NCOA2: variants seen among roughly 807,000 people sequenced by gnomAD.
NCOA2 encodes class E basic helix-loop-helix protein 75.
NCOA2 carries 21 observed loss-of-function variants against 145.1 expected under a neutral mutation model. That is an observed-to-expected ratio of 0.14 (90% CI 0.10 to 0.21). The LOEUF is 0.21. Ranked by LOEUF, NCOA2 falls within the 10% of genes least tolerant of loss-of-function variation. The pLI is 1.00. For missense variants in NCOA2, 1,472 were observed against 1,837.6 expected, an observed-to-expected ratio of 0.80 and a Z score of 3.64; for synonymous variants, 619 against 637.5, an observed-to-expected ratio of 0.97 and a Z score of 0.44.
intron 4 of NCOA2, among the ~76,000 whole-genome samples, chr8:70,195,634 A>G (rs766468644): frequency 6.6e-6 from 1 of 152,154 alleles, no homozygotes; most frequent in Non-Finnish European, 1.5e-5. Flanking sequence ...CTTATGTTCT[A>G]TATTTTATCT....
chr8:70,376,977 C>T (rs147453387), intron 1 of NCOA2, among the ~76,000 whole-genome samples: 2 of 152,260 alleles, frequency 1.3e-5, no homozygotes, highest in African/African-American at 4.8e-5. Flanking sequence ...AACACATGAT[C>T]ATCAATCTAA....
intron 2 of NCOA2, among the ~76,000 whole-genome samples, chr8:70,292,558 A>G (rs932898967): frequency 2.0e-5 from 3 of 151,992 alleles, no homozygotes; most frequent in African/African-American, 7.2e-5. Context: ...GGAAAAAAAA[A>G]AAAAAAAAGA....
chr8:70,137,572 G>T (rs575634941), intron 15 of NCOA2, among the ~76,000 whole-genome samples: 1 of 152,312 alleles, frequency 6.6e-6, no homozygotes, highest in Non-Finnish European at 1.5e-5. Context: ...ACCATTCACT[G>T]ATGTCATGAA....
chr8:70,343,577 C>T lies in NCOA2; in HGVS notation c.-76-46777G>A, dbSNP rs1202747171. Among the ~76,000 whole-genome samples the T allele has an allele frequency of 4.6e-5, 7 of 151,570 alleles. No homozygotes were observed. The South Asian group carries it at 1.0e-3, about 23-fold the overall frequency. On this transcript the variant is annotated intron_variant, in intron 1 of 22. Coordinates refer to ENST00000452400, the MANE Select transcript of NCOA2 (RefSeq NM_006540.4). ...AATCCCAGCACTTTGGGAGGGAGGCCGAGGCGGGCAGATCACTTGAGGTCA... is the reference window on the plus strand; with the variant it reads ...AATCCCAGCACTTTGGGAGGGAGGCTGAGGCGGGCAGATCACTTGAGGTCA...
intron 2 of NCOA2, among the ~76,000 whole-genome samples, chr8:70,218,677 C>T (rs1159149874): frequency 6.6e-6 from 1 of 152,150 alleles, no homozygotes. Flanking sequence ...TCACAATTCC[C>T]ATGGTTTCAA....
chr8:70,401,667 T>A (rs1586693759), intron 1 of NCOA2: 2 of 152,190 alleles, frequency 1.3e-5, no homozygotes, highest in South Asian at 4.1e-4. Flanking sequence ...CTACTACCAA[T>A]AATCAGTTGA....
At chr8:70,335,563 C>G (rs1807512152) in intron 1 of NCOA2, among the ~76,000 whole-genome samples, 2 of 152,082 alleles carry the variant, frequency 1.3e-5, no homozygotes, top group African/African-American at 4.8e-5. Flanking sequence ...CTTGTAAAAC[C>G]AAAATTCTAT....
At chr8:70,185,073 C>T (rs1280167926) in intron 4 of NCOA2, among the ~76,000 whole-genome samples, 1 of 152,202 alleles carries the variant, frequency 6.6e-6, no homozygotes, top group Non-Finnish European at 1.5e-5. Context: ...TTTCTCTCTA[C>T]AGACACAGGA....
chr8:70,409,296 T>G, the NCOA2 span, among the ~76,000 whole-genome samples: 1 of 152,190 alleles, frequency 6.6e-6, no homozygotes, highest in Non-Finnish European at 1.5e-5. Context: ...ACTGCCAGCT[T>G]CAATATTTAC....
Position 70,218,135 on chromosome 8 carries a change from C to T in NCOA2, c.-19-1371G>A, listed in dbSNP as rs3750199. Among the ~76,000 whole-genome samples, 4,308 of 151,766 alleles carry T rather than the reference C, an allele frequency of 0.028. 359 individuals carry two copies. In the East Asian group the frequency reaches 0.34, roughly 12 times the overall value. ...CTTCTTCCCTGTAATCTGGGCTGCCCAGTCTCAGCTGTACTACAATAATTT... is the reference window on the plus strand; with the variant it reads ...CTTCTTCCCTGTAATCTGGGCTGCCTAGTCTCAGCTGTACTACAATAATTT... On this transcript the variant is annotated intron_variant, in intron 2 of 22. Coordinates refer to ENST00000452400, the MANE Select transcript of NCOA2 (RefSeq NM_006540.4).
At chr8:70,422,599 C>T in the NCOA2 span, among the ~76,000 whole-genome samples, 4 of 151,890 alleles carry the variant, frequency 2.6e-5, no homozygotes, top group African/African-American at 9.7e-5. Flanking sequence ...TTGGTAGAGA[C>T]GTGGTCTTAC....
chr8:70,398,019 T>G (rs984180217), intron 1 of NCOA2, among the ~76,000 whole-genome samples: 7 of 152,190 alleles, frequency 4.6e-5, no homozygotes, highest in African/African-American at 1.2e-4. Flanking sequence ...ATGTTCCCCC[T>G]TTAATTACTG....
At chr8:70,191,985 T>C (rs1376243267) in intron 4 of NCOA2, among the ~76,000 whole-genome samples, 1 of 152,132 alleles carries the variant, frequency 6.6e-6, no homozygotes, top group Non-Finnish European at 1.5e-5. Context: ...GAGGCTGCAG[T>C]GAGCTGAGAT....
chr8:70,368,753 C>A (rs1438767730), intron 1 of NCOA2, among the ~76,000 whole-genome samples: 2 of 152,114 alleles, frequency 1.3e-5, no homozygotes, highest in Non-Finnish European at 2.9e-5. Context: ...GAAATTAATG[C>A]TGCTGCACAG....
intron 1 of NCOA2, chr8:70,357,246 T>A (rs532766292): frequency 2.6e-5 from 4 of 151,928 alleles, no homozygotes; most frequent in Admixed American, 6.6e-5. Context: ...CAAAAAAAAT[T>A]AAGAAAATTC....
In NCOA2 at chr8:70,163,320, G is replaced by A. The variant is rs569548665; in HGVS notation, c.832+145C>T. On this transcript the variant is annotated intron_variant, in intron 8 of 22. Coordinates refer to ENST00000452400, the MANE Select transcript of NCOA2 (RefSeq NM_006540.4). ...AGTGAGAGCCAGTGGCTCTCTCTCC[G>A]GTCCTCCAACTCCTTGACATTTCTA... The A allele has an allele frequency of 1.2e-4, 74 of 625,100 alleles. No individual in the cohort carries two copies. In the East Asian group the frequency reaches 1.3e-3, roughly 11 times the overall value. The allele number at this position is 625,100 out of a possible 1,614,324, so 38.7% of individuals were successfully genotyped here.
chr8:70,114,832 C>A (rs945446500), intron 22 of NCOA2, among the ~76,000 whole-genome samples: 1 of 152,152 alleles, frequency 6.6e-6, no homozygotes, highest in Non-Finnish European at 1.5e-5. Context: ...TTTACCTTAG[C>A]ACTCCAAAAA....
chr8:70,230,402 T>C (rs1249305877), intron 2 of NCOA2, among the ~76,000 whole-genome samples: 1 of 152,200 alleles, frequency 6.6e-6, no homozygotes, highest in Non-Finnish European at 1.5e-5. Flanking sequence ...ATCATGGTGA[T>C]GGCTGCACAA....
At chr8:70,197,383 C>T (rs950372088) in intron 4 of NCOA2, among the ~76,000 whole-genome samples, 4 of 152,180 alleles carry the variant, frequency 2.6e-5, no homozygotes, top group African/African-American at 9.7e-5. Context: ...CAGGCACAGG[C>T]CAAGCTGGAC....
Sources: allele counts gnomAD v4.1 joint callset (sites outside exome capture counted in the v4.1 genomes callset), GRCh38; gene constraint gnomAD v4.1.1; transcripts MANE v1.5; gene names NCBI Gene and HGNC (gene_info 2026-07-23, HGNC 2026-07-21).